The following BTBD9 variants were observed in gnomAD, a reference collection of about 807,000 sequenced individuals.
BTBD9 encodes BTB domain containing 9.
In BTBD9, 49 loss-of-function variants were observed where a neutral mutation model predicts 64.3. The ratio of observed to expected loss-of-function variants is 0.76; its 90% confidence interval spans 0.61 to 0.97. The LOEUF is 0.97. Ranked by LOEUF, BTBD9 falls within the 50% of genes least tolerant of loss-of-function variation. BTBD9 has a pLI of 0.00. For synonymous variants in BTBD9, 260 were observed against 274.7 expected, an observed-to-expected ratio of 0.95 and a Z score of 0.53; for missense variants, 598 against 762.1, an observed-to-expected ratio of 0.78 and a Z score of 2.53.
chr6:38,463,783 G>T (rs1016007163), intron 6 of BTBD9, among the ~76,000 whole-genome samples: 2 of 152,142 alleles, frequency 1.3e-5, no homozygotes, highest in Non-Finnish European at 2.9e-5. Flanking sequence ...TATAATCCCA[G>T]CACTTTAGGA....
Position 38,188,075 on chromosome 6 carries a change from A to G in BTBD9, c.1641+4444T>C, listed in dbSNP as rs1054163244. On this transcript the variant is annotated intron_variant, in intron 10 of 10. Transcript: ENST00000481247. ...AGCAAGACAGATGCACACCTACAGC[A>G]GGCAAGAAATCCCAGTCCGCCTTAG... Among the ~76,000 whole-genome samples, 164 of 152,354 alleles carry G rather than the reference A, an allele frequency of 1.1e-3. 2 individuals carry two copies. Among genetic ancestry groups the G allele is most frequent in the African/African-American group, 3.8e-3 (159 of 41,586 alleles).
intron 1 of BTBD9, among the ~76,000 whole-genome samples, chr6:38,619,525 T>C (rs1473387790): frequency 1.3e-5 from 2 of 152,138 alleles, no homozygotes; most frequent in African/African-American, 4.8e-5. Flanking sequence ...GCTGAGGCAA[T>C]CACTGGAAGG....
intron 10 of BTBD9, among the ~76,000 whole-genome samples, chr6:38,181,638 AT>A (rs1413205204): frequency 1.3e-5 from 2 of 152,166 alleles, no homozygotes; most frequent in African/African-American, 2.4e-5. Context: ...CCAACAAAAT[AT>A]CCCTTTTGAT....
intron 4 of BTBD9, chr6:38,588,260 C>T: frequency 8.8e-7 from 1 of 1,138,824 alleles, no homozygotes; most frequent in South Asian, 1.2e-5. Context: ...TGGTCAGCCT[C>T]AACAACTGCC....
intron 9 of BTBD9, among the ~76,000 whole-genome samples, chr6:38,220,878 G>A (rs1422875353): frequency 6.6e-6 from 1 of 152,204 alleles, no homozygotes. Flanking sequence ...ACCCATGCAT[G>A]TGAGTCTAGG....
At chr6:38,480,272 A>G (rs1407806188) in intron 6 of BTBD9, among the ~76,000 whole-genome samples, 1 of 152,154 alleles carries the variant, frequency 6.6e-6, no homozygotes, top group Non-Finnish European at 1.5e-5. Context: ...GGAGCAATGC[A>G]CTTCCTTTGC....
intron 10 of BTBD9, among the ~76,000 whole-genome samples, chr6:38,189,631 T>C (rs1582022021): frequency 6.6e-6 from 1 of 151,582 alleles, no homozygotes; most frequent in South Asian, 2.1e-4. Context: ...ACTGGGACTA[T>C]AGGTGCACAC....
chr6:38,333,563 C>G (rs898885395), intron 7 of BTBD9, among the ~76,000 whole-genome samples: 1 of 152,096 alleles, frequency 6.6e-6, no homozygotes, highest in Non-Finnish European at 1.5e-5. Flanking sequence ...ACAGTTCTCA[C>G]AAGATCTGGT....
At chr6:38,464,269 CATCT>C (rs1324229733) in intron 6 of BTBD9, among the ~76,000 whole-genome samples, 1 of 151,872 alleles carries the variant, frequency 6.6e-6, no homozygotes, top group Non-Finnish European at 1.5e-5. Context: ...TCTGTTGTTT[CATCT>C]ATCTAATTTA....
intron 7 of BTBD9, among the ~76,000 whole-genome samples, chr6:38,313,322 A>C (rs1762911396): frequency 6.6e-6 from 1 of 152,164 alleles, no homozygotes. Flanking sequence ...CATATCTTCA[A>C]ACAAGGGTAA....
chr6:38,573,946 T>C (rs1775906574), intron 6 of BTBD9, among the ~76,000 whole-genome samples: 1 of 152,198 alleles, frequency 6.6e-6, no homozygotes. Flanking sequence ...TTACAGATTA[T>C]GGGTAAAGCG....
intron 6 of BTBD9, among the ~76,000 whole-genome samples, chr6:38,558,120 C>T (rs546552418): frequency 6.6e-6 from 1 of 152,106 alleles, no homozygotes; most frequent in African/African-American, 2.4e-5. Flanking sequence ...TAAAACCAGC[C>T]AGGTTTGGTG....
At chr6:38,368,299 C>T (rs72851447) in intron 6 of BTBD9, among the ~76,000 whole-genome samples, 12,721 of 152,122 alleles carry the variant, frequency 0.084, 765 homozygotes, top group Non-Finnish European at 0.12. Context: ...TACATTGCCC[C>T]TTTTGATGCA....
At chr6:38,548,884 G>A (rs1466278414) in intron 6 of BTBD9, among the ~76,000 whole-genome samples, 1 of 152,156 alleles carries the variant, frequency 6.6e-6, no homozygotes, top group East Asian at 1.9e-4. Context: ...ATACAGCCAG[G>A]CAGAAATTAT....
intron 6 of BTBD9, among the ~76,000 whole-genome samples, chr6:38,370,188 T>C (rs534578366): frequency 6.6e-6 from 1 of 152,214 alleles, no homozygotes; most frequent in Non-Finnish European, 1.5e-5. Context: ...TGATATCCAG[T>C]ATGGAATCCC....
At chr6:38,602,227 A>G (rs900159043) in intron 1 of BTBD9, among the ~76,000 whole-genome samples, 4 of 152,178 alleles carry the variant, frequency 2.6e-5, no homozygotes, top group South Asian at 2.1e-4. Context: ...TTTGGAAAAA[A>G]GCTGAACAGT....
intron 6 of BTBD9, among the ~76,000 whole-genome samples, chr6:38,354,740 AT>A (rs2127594621): frequency 6.6e-6 from 1 of 152,284 alleles, no homozygotes; most frequent in East Asian, 1.9e-4. Flanking sequence ...AAGAAAAAAA[AT>A]CCAAAGATTT....
chr6:38,590,814 T>C (rs536856280), intron 4 of BTBD9, among the ~76,000 whole-genome samples: 1 of 152,344 alleles, frequency 6.6e-6, no homozygotes, highest in East Asian at 1.9e-4. Flanking sequence ...CATAAAATAA[T>C]GGTGCCTGAG....
chr6:38,315,105 C>T (rs1402396292), intron 7 of BTBD9, among the ~76,000 whole-genome samples: 2 of 152,228 alleles, frequency 1.3e-5, no homozygotes, highest in African/African-American at 2.4e-5. Context: ...GCCTCAGCCT[C>T]CCAAAGTGCT....
Sources: allele counts gnomAD v4.1 joint callset (sites outside exome capture counted in the v4.1 genomes callset), GRCh38; gene constraint gnomAD v4.1.1; transcripts MANE v1.5; gene names NCBI Gene and HGNC (gene_info 2026-07-23, HGNC 2026-07-21).